The following FLACC1 variants were observed in gnomAD, a reference collection of about 807,000 sequenced individuals.
FLACC1 encodes the protein flagellum-associated coiled-coil domain-containing protein 1.
A neutral mutation model predicts 62.8 loss-of-function variants in FLACC1; 66 were observed. That is an observed-to-expected ratio of 1.05 (90% confidence interval 0.86 to 1.29). FLACC1 has a LOEUF of 1.29. Among genes scored for constraint, FLACC1 ranks in the 50% most tolerant of loss-of-function variants. The probability of loss-of-function intolerance (pLI) is 0.00; values close to 1 mark genes in which losing one functional copy is unlikely to be tolerated. For missense variants in FLACC1, 452 were observed against 489.1 expected, an observed-to-expected ratio of 0.92 and a Z score of 0.71; for synonymous variants, 156 against 161.0, an observed-to-expected ratio of 0.97 and a Z score of 0.24.
intron 11 of FLACC1, among the ~76,000 whole-genome samples, chr2:201,301,684 A>G (rs1949987155): frequency 6.6e-6 from 1 of 152,220 alleles, no homozygotes; most frequent in South Asian, 2.1e-4. Flanking sequence ...CCAGAGAGAA[A>G]GGTTGGGTTA....
chr2:201,300,833 C>T (rs1949966171), intron 11 of FLACC1, among the ~76,000 whole-genome samples: 1 of 152,168 alleles, frequency 6.6e-6, no homozygotes, highest in South Asian at 2.1e-4. Flanking sequence ...GGACCTCCAG[C>T]AAACTCCAAC....
In FLACC1 at chr2:201,332,925, T is replaced by C. The variant is rs995172811; in HGVS notation, c.525-2092A>G. 6.6e-5 allele frequency among the ~76,000 whole-genome samples: 10 copies of C among 152,350 alleles called. No homozygotes were observed. The East Asian group carries it at 1.5e-3, about 24-fold the overall frequency. ...AAAGGCTGAATAGTATTCCATTTTA[T>C]GTATATACCACATTTTCTTTATCCA... On this transcript the variant is annotated intron_variant, in intron 7 of 14. Coordinates refer to ENST00000392257, the MANE Select transcript of FLACC1 (RefSeq NM_001127391.3).
rs1308418587 is a variant in FLACC1, at chr2:201,327,369, C to G, written c.675+3101G>C. On this transcript the variant is annotated intron_variant, in intron 9 of 14. Coordinates refer to ENST00000392257, the MANE Select transcript of FLACC1 (RefSeq NM_001127391.3). ...TCTGTACAGCAAAAGAAATAATAAA[C>G]AGACAACCCACAGAATGGGAGAAAA... 2.6e-5 allele frequency among the ~76,000 whole-genome samples: 4 copies of G among 151,928 alleles called. No homozygotes were observed. In the South Asian group the frequency reaches 8.3e-4, roughly 31 times the overall value.
Position 201,288,618 on chromosome 2 carries a change from T to A in FLACC1, c.*37A>T, listed in dbSNP as rs1396954699. ...GTTTCCTGGGCCTACAGAAATGGTG[T>A]GCCAACCATCTTCAACAATGCAGAG... On this transcript the variant is annotated 3_prime_UTR_variant, in exon 15 of 15. Coordinates refer to ENST00000392257, the MANE Select transcript of FLACC1 (RefSeq NM_001127391.3). The A allele has an allele frequency of 2.4e-5, 39 of 1,605,804 alleles. No individual in the cohort carries two copies. The highest frequency in any genetic ancestry group is 3.1e-5 in the Non-Finnish European group (36 of 1,175,266).
At chr2:201,298,977 A>G (rs1949921884) in intron 12 of FLACC1, among the ~76,000 whole-genome samples, 1 of 152,256 alleles carries the variant, frequency 6.6e-6, no homozygotes, top group South Asian at 2.1e-4. Flanking sequence ...TAGAAATGAA[A>G]GTCATTCAAC....
At chr2:201,350,048 T>C (rs1950994211) in intron 3 of FLACC1, among the ~76,000 whole-genome samples, 1 of 152,152 alleles carries the variant, frequency 6.6e-6, no homozygotes, top group Non-Finnish European at 1.5e-5. Context: ...GAGAGGGAGA[T>C]TATTTTATTC....
At chr2:201,302,297 C>T (rs1485573065) in intron 11 of FLACC1, among the ~76,000 whole-genome samples, 5 of 152,130 alleles carry the variant, frequency 3.3e-5, no homozygotes, top group Non-Finnish European at 7.4e-5. Flanking sequence ...TCTGATAAAA[C>T]AGACTTTAAA....
chr2:201,362,380 T>C (rs1951192948), upstream of FLACC1, among the ~76,000 whole-genome samples: 1 of 152,150 alleles, frequency 6.6e-6, no homozygotes, highest in Non-Finnish European at 1.5e-5. Context: ...TCAGTGTGCC[T>C]TGGCTCCTTG....
At chr2:201,332,788 A>G (rs1950620626) in intron 7 of FLACC1, among the ~76,000 whole-genome samples, 1 of 151,772 alleles carries the variant, frequency 6.6e-6, no homozygotes. Context: ...CAGATCCCAC[A>G]TATAAGTGAG....
chr2:201,351,414 T>A lies in FLACC1; in HGVS notation c.-10A>T. On this transcript the variant is annotated 5_prime_UTR_variant, in exon 2 of 15. Transcript: ENST00000392257. ...GAGGGTTGGGGTACATGGCCAAAGG[T>A]CAGGGGGAGTCTTGGCTGCTAGATC... The A allele has an allele frequency of 6.3e-7, 1 of 1,595,922 alleles. No individual in the cohort carries two copies. Among genetic ancestry groups the A allele is most frequent in the Middle Eastern group, 1.8e-4 (1 of 5,616 alleles).
At chr2:201,338,433 C>T (rs1950739162) in intron 7 of FLACC1, among the ~76,000 whole-genome samples, 1 of 152,014 alleles carries the variant, frequency 6.6e-6, no homozygotes, top group Non-Finnish European at 1.5e-5. Context: ...ACTTCCAGTA[C>T]TATATTGAAT....
intron 11 of FLACC1, among the ~76,000 whole-genome samples, chr2:201,303,416 T>C (rs1438933982): frequency 1.3e-5 from 2 of 151,988 alleles, no homozygotes; most frequent in African/African-American, 2.4e-5. Context: ...AATAACAGGC[T>C]CTGAAATTGA....
chr2:201,363,365 C>A, the FLACC1 span, among the ~76,000 whole-genome samples: 1 of 152,026 alleles, frequency 6.6e-6, no homozygotes, highest in East Asian at 1.9e-4. Context: ...GGACTAGCAG[C>A]CTGAGTGCCC....
chr2:201,310,211 A>AC (rs1950191456), intron 9 of FLACC1, among the ~76,000 whole-genome samples: 1 of 152,034 alleles, frequency 6.6e-6, no homozygotes, highest in Admixed American at 6.5e-5. Context: ...TATTCTATTT[A>AC]CCACTCACAC....
chr2:201,320,305 G>A (rs1461310942), intron 9 of FLACC1, among the ~76,000 whole-genome samples: 1 of 152,260 alleles, frequency 6.6e-6, no homozygotes, highest in Non-Finnish European at 1.5e-5. Context: ...GGAGGAGAGT[G>A]AAAAGTGGGC....
Position 201,351,273 on chromosome 2 carries a change from C to G in FLACC1, c.113+19G>C. On this transcript the variant is annotated intron_variant, in intron 2 of 14. Transcript: ENST00000392257. ...GATCCCAAGGTCCCTGTGCCTACCC[C>G]ATCCCAGATAATTCTTACTTGGAAC... 6.4e-7 allele frequency: 1 copy of G among 1,572,666 alleles called. No individual in the cohort carries two copies. The highest frequency in any genetic ancestry group is 8.8e-7 in the Non-Finnish European group (1 of 1,142,662).
chr2:201,297,045 AT>A (rs977705147), intron 12 of FLACC1, among the ~76,000 whole-genome samples: 17 of 152,276 alleles, frequency 1.1e-4, no homozygotes, highest in African/African-American at 4.1e-4. Context: ...GCTGGGTTGA[AT>A]TTGGGAGAGT....
chr2:201,341,104 A>T (rs1950798686), intron 7 of FLACC1, among the ~76,000 whole-genome samples: 1 of 151,624 alleles, frequency 6.6e-6, no homozygotes, highest in African/African-American at 2.4e-5. Context: ...ATTTGATTGA[A>T]TTTGATTAGG....
At chr2:201,292,375 C>T (rs990550758) in intron 12 of FLACC1, among the ~76,000 whole-genome samples, 1 of 152,222 alleles carries the variant, frequency 6.6e-6, no homozygotes, top group African/African-American at 2.4e-5. Context: ...CAATATTCAA[C>T]ATTCTTAAAG....
Sources: gnomAD v4.1 joint callset for allele counts (sites outside exome capture counted in the v4.1 genomes callset) on GRCh38, gnomAD v4.1.1 for gene constraint, MANE v1.5 for transcripts, NCBI Gene and HGNC (gene_info 2026-07-23, HGNC 2026-07-21) for gene names.